Variants in MLLT3 observed in about 807,000 individuals in gnomAD.
MLLT3 encodes the protein MLLT3 super elongation complex subunit.
MLLT3 carries 4 observed loss-of-function variants against 53.2 expected under a neutral mutation model. The observed-to-expected ratio is 0.08, with a 90% CI of 0.04 to 0.17. The LOEUF (loss-of-function observed/expected upper bound fraction) is 0.17, where lower values mean the gene tolerates loss of function less well. Among genes scored for constraint, MLLT3 ranks in the 10% least tolerant of loss-of-function variants. The pLI is 1.00. For synonymous variants in MLLT3, 283 were observed against 230.6 expected (o/e 1.23, Z -2.06); for missense variants, 569 against 684.0 (o/e 0.83, Z 1.87).
intron 2 of MLLT3, among the ~76,000 whole-genome samples, chr9:20,567,288 G>C (rs1362120910): frequency 2.2e-5 from 2 of 92,906 alleles, no homozygotes; most frequent in African/African-American, 8.4e-5. Flanking sequence ...AGAGCTGAAA[G>C]TAGTACTATA....
chr9:20,471,633 T>C (rs1824397442), intron 2 of MLLT3, among the ~76,000 whole-genome samples: 2 of 152,040 alleles, frequency 1.3e-5, no homozygotes, highest in Admixed American at 1.3e-4. Flanking sequence ...ATGTAACACA[T>C]TATTTTATGA....
intron 4 of MLLT3, among the ~76,000 whole-genome samples, chr9:20,432,703 G>A (rs1478846482): frequency 1.3e-5 from 2 of 152,026 alleles, no homozygotes; most frequent in African/African-American, 4.8e-5. Flanking sequence ...GTTTAAAAGT[G>A]CAAAATCAAA....
chr9:20,438,831 A>G (rs1286178667), intron 4 of MLLT3, among the ~76,000 whole-genome samples: 1 of 152,168 alleles, frequency 6.6e-6, no homozygotes, highest in Non-Finnish European at 1.5e-5. Context: ...GTAAAGGCTG[A>G]TATTTGTAAG....
intron 2 of MLLT3, among the ~76,000 whole-genome samples, chr9:20,597,646 A>G (rs1820309991): frequency 6.6e-6 from 1 of 152,188 alleles, no homozygotes; most frequent in South Asian, 2.1e-4. Flanking sequence ...GGTGTCATGT[A>G]TTGCACTTGA....
chr9:20,538,347 C>G lies in MLLT3; in HGVS notation c.194-81561G>C, dbSNP rs567920200. Among the ~76,000 whole-genome samples, 3 of 152,134 alleles carry G rather than the reference C, an allele frequency of 2.0e-5. No individual in the cohort carries two copies. The South Asian group carries it at 6.2e-4, about 32-fold the overall frequency. ...GAAACAAAGGGGTCAAATTACTTGCCCAAAATTTATAAGTAAGTAAGTAAC... is the reference window on the plus strand; with the variant it reads ...GAAACAAAGGGGTCAAATTACTTGCGCAAAATTTATAAGTAAGTAAGTAAC... On this transcript the variant is annotated intron_variant, in intron 2 of 10. Coordinates refer to ENST00000380338, the MANE Select transcript of MLLT3 (RefSeq NM_004529.4).
intron 2 of MLLT3, among the ~76,000 whole-genome samples, chr9:20,557,879 C>T (rs919639646): frequency 6.6e-6 from 1 of 152,162 alleles, no homozygotes; most frequent in African/African-American, 2.4e-5. Context: ...ATTCCCAGGG[C>T]TTCATTCATT....
intron 4 of MLLT3, among the ~76,000 whole-genome samples, chr9:20,432,766 G>A (rs938385002): frequency 1.3e-5 from 2 of 151,946 alleles, no homozygotes; most frequent in Non-Finnish European, 1.5e-5. Flanking sequence ...CTTGGGAAAC[G>A]GCTGCCTTAC....
intron 5 of MLLT3, among the ~76,000 whole-genome samples, chr9:20,402,315 GAGATGTCCATCAGAGAA>G (rs1822475024): frequency 6.6e-6 from 1 of 152,186 alleles, no homozygotes; most frequent in Non-Finnish European, 1.5e-5. Flanking sequence ...GGGAGCTTTT[GAGATGTCCATCAGAGAA>G]AGAAAGGATA....
intron 10 of MLLT3, among the ~76,000 whole-genome samples, chr9:20,352,827 T>A (rs1047892841): frequency 6.6e-6 from 1 of 151,554 alleles, no homozygotes; most frequent in Non-Finnish European, 1.5e-5. Flanking sequence ...ACAATCTACA[T>A]GTCTGCCCTG....
rs548398477 is a variant in MLLT3 at position 20,552,851 on chromosome 9, T to C, written c.193+67803A>G. Among the ~76,000 whole-genome samples, 5 of 152,206 alleles carry C rather than the reference T, an allele frequency of 3.3e-5. No individual in the cohort carries two copies. The East Asian group carries it at 9.6e-4, about 29-fold the overall frequency. On this transcript the variant is annotated intron_variant, in intron 2 of 10. Coordinates refer to ENST00000380338, the MANE Select transcript of MLLT3 (RefSeq NM_004529.4). ...ATCTACTTTTTCTCATCAGGCAAGGTCCCAAATAAAAAACCACTTTCAGTA... is the reference window on the plus strand; with the variant it reads ...ATCTACTTTTTCTCATCAGGCAAGGCCCCAAATAAAAAACCACTTTCAGTA...
chr9:20,465,389 C>T (rs763743435), intron 2 of MLLT3, among the ~76,000 whole-genome samples: 2 of 152,036 alleles, frequency 1.3e-5, no homozygotes, highest in Admixed American at 6.6e-5. Flanking sequence ...CTTTTAAATA[C>T]GCTACACCCA....
chr9:20,472,553 G>A (rs1824420746), intron 2 of MLLT3, among the ~76,000 whole-genome samples: 2 of 151,994 alleles, frequency 1.3e-5, no homozygotes, highest in African/African-American at 4.8e-5. Flanking sequence ...AACAAGTGAA[G>A]GTGCCAAGTC....
rs1193693624 is a variant in MLLT3 at position 20,577,768 on chromosome 9, G to GA, written c.193+42885dup. ...TTTAGTTTTCAGCTTCAAGGGAGAA[G>GA]AGTGAACACACACACCATTTTGCCA... On this transcript the variant is annotated intron_variant, in intron 2 of 10. Transcript: ENST00000380338. Among the ~76,000 whole-genome samples the GA allele has an allele frequency of 4.6e-5, 7 of 152,340 alleles. No individual in the cohort carries two copies. The East Asian group carries it at 1.3e-3, about 29-fold the overall frequency.
intron 2 of MLLT3, among the ~76,000 whole-genome samples, chr9:20,463,313 C>T (rs913212989): frequency 7.9e-5 from 12 of 152,016 alleles, no homozygotes; most frequent in Non-Finnish European, 1.5e-4. Context: ...TTAACATACG[C>T]ACAACATTTT....
chr9:20,445,002 G>A (rs1475538284), intron 4 of MLLT3, among the ~76,000 whole-genome samples: 7 of 151,444 alleles, frequency 4.6e-5, no homozygotes, highest in Non-Finnish European at 1.0e-4. Flanking sequence ...CAAGTGGGAC[G>A]TTCATTTCAG....
chr9:20,347,822 G>A (rs1394017954), intron 10 of MLLT3, among the ~76,000 whole-genome samples: 1 of 152,114 alleles, frequency 6.6e-6, no homozygotes, highest in East Asian at 1.9e-4. Context: ...TTAAAAAAGA[G>A]AATAATTTTA....
In MLLT3 at chr9:20,414,402, G is replaced by GCTGCTGCT; in HGVS notation, c.443_444insAGCAGCAG (p.Ser149AlafsTer54). 1 of 1,607,922 alleles carries GCTGCTGCT rather than the reference G, an allele frequency of 6.2e-7. No individual in the cohort carries two copies. Among genetic ancestry groups the GCTGCTGCT allele is most frequent in the Non-Finnish European group, 8.5e-7 (1 of 1,179,800 alleles). On this transcript the variant is annotated frameshift_variant, in exon 5 of 11. Transcript: ENST00000380338. LOFTEE classifies it high-confidence loss of function. ...TACTGCTGCTGCTGCTGCTGCTGCT[G>GCTGCTGCT]GTATGAATACTCCTATTAGGGTCCT...
intron 2 of MLLT3, among the ~76,000 whole-genome samples, chr9:20,506,408 T>G (rs1371941553): frequency 6.6e-6 from 1 of 152,172 alleles, no homozygotes. Context: ...GGCTCTCCCT[T>G]TCCTCTGCAG....
At chr9:20,582,762 C>T (rs974118685) in intron 2 of MLLT3, among the ~76,000 whole-genome samples, 2 of 152,108 alleles carry the variant, frequency 1.3e-5, no homozygotes, top group African/African-American at 4.8e-5. Flanking sequence ...GACATACTAT[C>T]GTGAGAATAA....
Sources: allele counts gnomAD v4.1 joint callset (sites outside exome capture counted in the v4.1 genomes callset), GRCh38; gene constraint gnomAD v4.1.1; transcripts MANE v1.5; gene names NCBI Gene and HGNC (gene_info 2026-07-23, HGNC 2026-07-21).